The following HOOK2 variants were observed in gnomAD, a reference collection of about 807,000 sequenced individuals.
HOOK2 encodes the protein protein Hook homolog 2.
HOOK2 carries 108 observed loss-of-function variants against 111.9 expected under a neutral mutation model. The ratio of observed to expected loss-of-function variants is 0.96; its 90% CI spans 0.83 to 1.13. The LOEUF is 1.13. Ranked by LOEUF, HOOK2 falls within the 50% of genes most tolerant of loss-of-function variation. The pLI, the probability that HOOK2 is intolerant of heterozygous loss-of-function variation, is 0.00. For synonymous variants in HOOK2, 405 were observed against 394.3 expected, an observed-to-expected ratio of 1.03 and a Z score of -0.32; for missense variants, 978 against 951.3, an observed-to-expected ratio of 1.03 and a Z score of -0.37.
rs908265552 is a variant in HOOK2 at position 12,771,337 on chromosome 19, A to G, written c.601-18T>C. On this transcript the variant is annotated intron_variant, in intron 8 of 22. Coordinates refer to ENST00000397668, the MANE Select transcript of HOOK2 (RefSeq NM_013312.3). ...AGCATCAGCTGCGGGCAGGGCAGAA[A>G]GATGAGCTTGGGCTTGGAGAGGGGC... 1.2e-6 allele frequency: 2 copies of G among 1,606,160 alleles called. No individual in the cohort carries two copies. Among genetic ancestry groups the G allele is most frequent in the East Asian group, 2.2e-5 (1 of 44,782 alleles).
rs1411365758 is a variant in HOOK2 at position 12,763,795 on chromosome 19, T to A, written c.1828-17A>T. ...CTGCATGACCTACAGGTTGAGGAAG[T>A]CATAGCCAGGTGACTTTGGCCTTGA... On this transcript the variant is annotated splice_polypyrimidine_tract_variant and intron_variant, in intron 20 of 22. Coordinates refer to ENST00000397668, the MANE Select transcript of HOOK2 (RefSeq NM_013312.3). 3 of 1,606,704 alleles carry A rather than the reference T, an allele frequency of 1.9e-6. No homozygotes were observed. Among genetic ancestry groups the A allele is most frequent in the Non-Finnish European group, 2.6e-6 (3 of 1,173,964 alleles).
At chr19:12,782,347 G>A (rs1968610808), upstream of HOOK2, among the ~76,000 whole-genome samples, 1 of 152,278 alleles carries the variant, frequency 6.6e-6, no homozygotes, top group South Asian at 2.1e-4. Flanking sequence ...GCCAAGATGT[G>A]GCAGGTGTAT....
chr19:12,779,340 GA>G (rs1306082684), upstream of HOOK2, among the ~76,000 whole-genome samples: 1 of 152,114 alleles, frequency 6.6e-6, no homozygotes, highest in Non-Finnish European at 1.5e-5. Context: ...CACAACTGGA[GA>G]ACAGTGCCCC....
intron 3 of HOOK2, 26 bp from the exon 4 acceptor site, chr19:12,773,070 C>T (rs186664200): frequency 6.2e-7 from 1 of 1,613,148 alleles, no homozygotes; most frequent in African/African-American, 1.3e-5. Flanking sequence ...GAACTGTGGA[C>T]AAGTTCAGAG....
At chr19:12,783,305 C>T (rs1235579899), upstream of HOOK2, among the ~76,000 whole-genome samples, 29 of 146,080 alleles carry the variant, frequency 2.0e-4, no homozygotes, top group African/African-American at 6.8e-4. Flanking sequence ...AAGCCAGAGG[C>T]GCCCCCCCCA....
chr19:12,790,410 G>T lies in HOOK2; in HGVS notation n.42-16185C>A, dbSNP rs771763067. On this transcript the variant is annotated intron_variant and non_coding_transcript_variant, in intron 3 of 3. Transcript: ENST00000589765. The surrounding 1 kb of genome is among the most constrained non-coding windows in gnomAD (Gnocchi z 7.2). ...GTTGGGCGACCGCGCCCCAGCCGTC[G>T]GGCTGGGTCCAGGCTCTAGGAGCCG... is the stretch of plus-strand genomic sequence containing the variant. Among the ~76,000 whole-genome samples the T allele has an allele frequency of 6.6e-6, 1 of 152,236 alleles. No homozygotes were observed. Among genetic ancestry groups the T allele is most frequent in the Non-Finnish European group, 1.5e-5 (1 of 68,034 alleles).
intron 13 of HOOK2, 92 bp downstream of exon 13, chr19:12,767,724 G>A (rs1968196676): frequency 8.1e-7 from 1 of 1,233,448 alleles, no homozygotes; most frequent in South Asian, 1.3e-5. Context: ...GCCTAGCTCT[G>A]TCCCCAACCT....
At position 12,770,953 on chromosome 19, in the gene HOOK2, T is replaced by C; in HGVS notation, c.881A>G (p.Lys294Arg). Residue 294 changes from lysine (K) to arginine (R), a missense_variant, in exon 10 of 23, where the codon AAG becomes AGG. Around this residue, in one of 5 missense-constraint regions of HOOK2, gnomAD observed 388 missense variants for 358.3 expected, o/e 1.08. Transcript: ENST00000397668. The stretch of plus-strand genomic sequence containing the variant: ...TCACCGTAGTTCATCCATCTCATCC[T>C]TCAGGGCCTGTGCCTCCTGGGCCAG... ...TSLAQEAQAL[K>R]DEMDELRQSS... 1 of 1,607,706 alleles carries C rather than the reference T, an allele frequency of 6.2e-7. No individual in the cohort carries two copies. The highest frequency in any genetic ancestry group is 8.5e-7 in the Non-Finnish European group (1 of 1,176,302).
At chr19:12,780,105 G>A (rs749675593), upstream of HOOK2, among the ~76,000 whole-genome samples, 1 of 152,130 alleles carries the variant, frequency 6.6e-6, no homozygotes, top group African/African-American at 2.4e-5. Context: ...AGCCGAGAAC[G>A]CGCCATTACA....
At position 12,791,960 on chromosome 19, in the gene HOOK2, C is replaced by T; in HGVS notation, n.42-17735G>A. 6.2e-7 allele frequency: 1 copy of T among 1,610,994 alleles called. No individual in the cohort carries two copies. The highest frequency in any genetic ancestry group is 2.2e-5 in the East Asian group (1 of 44,796). ...CTCGCGGACCCGGCCCAGAGGGCGG[C>T]GGTGGCGGCAGCTACTTTTCTGGTC... On this transcript the variant is annotated intron_variant and non_coding_transcript_variant, in intron 3 of 3. Transcript: ENST00000589765. This position sits in a 1 kb window ranked among gnomAD's most constrained non-coding sequence, Gnocchi z 7.0.
At chr19:12,781,800 A>T (rs1036815101), upstream of HOOK2, among the ~76,000 whole-genome samples, 10 of 151,170 alleles carry the variant, frequency 6.6e-5, no homozygotes, top group Admixed American at 1.3e-4. Context: ...TGTGTGACAA[A>T]ACAAGCCCTG....
At chr19:12,781,475 C>T (rs1358992195), upstream of HOOK2, among the ~76,000 whole-genome samples, 9 of 151,188 alleles carry the variant, frequency 6.0e-5, no homozygotes, top group African/African-American at 1.7e-4. Context: ...CACAGGCGCC[C>T]GCCACTACGC....
At chr19:12,770,700 G>A (rs978612763) in intron 10 of HOOK2, among the ~76,000 whole-genome samples, 1 of 139,360 alleles carries the variant, frequency 7.2e-6, no homozygotes, top group Admixed American at 7.1e-5. Context: ...AGCATACTGT[G>A]GGATAAGGGG....
intron 11 of HOOK2, among the ~76,000 whole-genome samples, chr19:12,769,350 T>A (rs114974161): frequency 0.043 from 6,552 of 151,652 alleles, 155 homozygotes; most frequent in African/African-American, 0.054. Context: ...GATGTGGGGT[T>A]ACAGAAGGAG....
At chr19:12,772,521 T>C in intron 6 of HOOK2, 92 bp downstream of exon 6, 13 of 1,396,304 alleles carry the variant, frequency 9.3e-6, no homozygotes, top group Non-Finnish European at 1.2e-5. Context: ...GTCCAGACCT[T>C]ACCAGGGCAG....
chr19:12,779,506 A>C (rs59009050), upstream of HOOK2, among the ~76,000 whole-genome samples: 547 of 152,220 alleles, frequency 3.6e-3, 2 homozygotes, highest in African/African-American at 0.012. Flanking sequence ...GTCTGAGTCC[A>C]TGTGAAATGT....
chr19:12,772,376 GC>G, intron 6 of HOOK2, 124 bp from the exon 7 acceptor site: 1 of 1,168,452 alleles, frequency 8.6e-7, no homozygotes, highest in Non-Finnish European at 1.3e-6. Flanking sequence ...AATAACCCCA[GC>G]CCAGAGGCTG....
rs1342218625 is a variant in HOOK2 at position 12,766,219 on chromosome 19, C to T, written c.1395G>A (p.Gln465=). The change falls in exon 15 of 23, where the codon CAG becomes CAA. Residue 465 remains glutamine (Q), a synonymous_variant. Transcript: ENST00000397668. ...AELRETLLRL[Q]LENKRLCRQE... ...GCCTGCACAGCCGCTTGTTCTCCAGCTGAAGCCGCAGGAGCGTCTCCCTGC... is the reference window on the plus strand; with the variant it reads ...GCCTGCACAGCCGCTTGTTCTCCAGTTGAAGCCGCAGGAGCGTCTCCCTGC... 6.3e-7 allele frequency: 1 copy of T among 1,590,234 alleles called. No individual in the cohort carries two copies. Among genetic ancestry groups the T allele is most frequent in the Admixed American group, 1.7e-5 (1 of 58,840 alleles).
chr19:12,778,449 CA>C (rs1968565124), upstream of HOOK2: 1 of 152,280 alleles, frequency 6.6e-6, no homozygotes, highest in Non-Finnish European at 1.5e-5. Flanking sequence ...GGGAAGGGGA[CA>C]AGGGCCGGCA....
Sources: gnomAD v4.1 joint callset for allele counts (sites outside exome capture counted in the v4.1 genomes callset) on GRCh38, gnomAD v4.1.1 for gene constraint, gnomAD v4.1.1 regional missense constraint, Gnocchi (gnomAD v3.1) non-coding constraint, MANE v1.5 for transcripts, NCBI Gene and HGNC (gene_info 2026-07-23, HGNC 2026-07-21) for gene names.